Variants in LCLAT1 observed in about 807,000 individuals in gnomAD.
LCLAT1 encodes 1-AGP acyltransferase 8.
A neutral mutation model predicts 30.7 loss-of-function variants in LCLAT1; 11 were observed. The ratio of observed to expected loss-of-function variants is 0.36; its 90% confidence interval spans 0.23 to 0.59. The LOEUF is 0.59. Ranked by LOEUF, LCLAT1 falls within the 20% of genes least tolerant of loss-of-function variation. LCLAT1 has a pLI of 0.77. For synonymous variants in LCLAT1, 155 were observed against 151.3 expected, an observed-to-expected ratio of 1.02 and a Z score of -0.18; for missense variants, 402 against 458.6, an observed-to-expected ratio of 0.88 and a Z score of 1.13.
chr2:30,468,798 C>T (rs1682614431), intron 1 of LCLAT1, among the ~76,000 whole-genome samples: 1 of 152,116 alleles, frequency 6.6e-6, no homozygotes, highest in African/African-American at 2.4e-5. Context: ...CCTTTTGTGT[C>T]TTCTTCACTT....
rs1475399138 is a variant in LCLAT1 at position 30,641,881 on chromosome 2, T to C, written c.*1262T>C. On this transcript the variant is annotated 3_prime_UTR_variant, in exon 6 of 6. Transcript: ENST00000379509. ...GTTGTCATTTTCACTCTGTTGGAGCTGCACACTTTTTTTTCTTTTTTTTTT... is the reference window on the plus strand; with the variant it reads ...GTTGTCATTTTCACTCTGTTGGAGCCGCACACTTTTTTTTCTTTTTTTTTT... 1 of 146,876 alleles carries C rather than the reference T, an allele frequency of 6.8e-6. No homozygotes were observed. The allele number at this position is 146,876 out of a possible 1,614,324, so 9.1% of individuals were successfully genotyped here.
chr2:30,480,886 G>T (rs547493430), intron 1 of LCLAT1, among the ~76,000 whole-genome samples: 3 of 152,158 alleles, frequency 2.0e-5, no homozygotes, highest in African/African-American at 7.2e-5. Flanking sequence ...ATGACAGGTG[G>T]AAAACCAGGA....
intron 5 of LCLAT1, among the ~76,000 whole-genome samples, chr2:30,622,292 G>GA (rs1668297528): frequency 6.6e-6 from 1 of 152,176 alleles, no homozygotes; most frequent in Non-Finnish European, 1.5e-5. Context: ...GCCTAACCCT[G>GA]ACTTCACTTG....
chr2:30,632,906 A>G (rs1326744740), intron 5 of LCLAT1, among the ~76,000 whole-genome samples: 1 of 152,254 alleles, frequency 6.6e-6, no homozygotes, highest in Non-Finnish European at 1.5e-5. Flanking sequence ...AGGAAACAAT[A>G]GTATTTTAAT....
At chr2:30,532,513 T>C (rs979890761) in intron 2 of LCLAT1, among the ~76,000 whole-genome samples, 1 of 152,188 alleles carries the variant, frequency 6.6e-6, no homozygotes, top group Non-Finnish European at 1.5e-5. Flanking sequence ...TCATATGTAT[T>C]ATATACCTGG....
At chr2:30,485,604 T>C (rs913891175) in intron 1 of LCLAT1, among the ~76,000 whole-genome samples, 7 of 152,190 alleles carry the variant, frequency 4.6e-5, no homozygotes, top group African/African-American at 1.7e-4. Context: ...CAAATAAAAT[T>C]TATTTTTATC....
chr2:30,547,664 C>A (rs1664487181), intron 3 of LCLAT1, among the ~76,000 whole-genome samples: 2 of 152,054 alleles, frequency 1.3e-5, no homozygotes, highest in South Asian at 2.1e-4. Flanking sequence ...AGGCTTGGAA[C>A]TTTTGCAGGC....
In LCLAT1 at chr2:30,552,134, G is replaced by A. The variant is rs528501168; in HGVS notation, c.365-10012G>A. 8.5e-5 allele frequency among the ~76,000 whole-genome samples: 13 copies of A among 152,268 alleles called. No homozygotes were observed. The South Asian group carries it at 2.7e-3, about 32-fold the overall frequency. ...GTGTGCAAAGCTAGGAATGTACTTA[G>A]GAATCAGTTTTGCAACAGGAAGAAA... On this transcript the variant is annotated intron_variant, in intron 3 of 5. Transcript: ENST00000379509.
At position 30,629,974 on chromosome 2, in the gene LCLAT1, G is replaced by A. The variant is rs148339075; in HGVS notation, c.629-10143G>A. Among the ~76,000 whole-genome samples, 545 of 151,522 alleles carry A rather than the reference G, an allele frequency of 3.6e-3. 14 individuals carry two copies. The highest frequency in any genetic ancestry group is 0.032 in the Admixed American group (482 of 15,224). On this transcript the variant is annotated intron_variant, in intron 5 of 5. Coordinates refer to ENST00000379509, the MANE Select transcript of LCLAT1 (RefSeq NM_001002257.3). ...TAAGGTACATGTTATGTACGTATTT[G>A]TCTGCTAGAGAGGCCATAACAAGAT...
chr2:30,449,169 T>A (rs1481649805), intron 1 of LCLAT1, among the ~76,000 whole-genome samples: 1 of 152,248 alleles, frequency 6.6e-6, no homozygotes, highest in Non-Finnish European at 1.5e-5. Context: ...GTGTTCTTAC[T>A]GTCTTACTAC....
chr2:30,478,188 T>C (rs1683142404), intron 1 of LCLAT1, among the ~76,000 whole-genome samples: 1 of 152,186 alleles, frequency 6.6e-6, no homozygotes, highest in Admixed American at 6.5e-5. Context: ...TAAATCATTA[T>C]TTGAAGTTAA....
intron 5 of LCLAT1, among the ~76,000 whole-genome samples, chr2:30,592,277 C>G (rs1666731111): frequency 6.6e-6 from 1 of 152,094 alleles, no homozygotes; most frequent in African/African-American, 2.4e-5. Flanking sequence ...ACTTAATATT[C>G]ATAGACCAAA....
At chr2:30,455,161 C>G (rs1024060280) in intron 1 of LCLAT1, among the ~76,000 whole-genome samples, 2 of 152,090 alleles carry the variant, frequency 1.3e-5, no homozygotes, top group African/African-American at 4.8e-5. Context: ...TCTATACTTT[C>G]TTTAACTGTA....
intron 1 of LCLAT1, among the ~76,000 whole-genome samples, chr2:30,477,792 G>A (rs962830105): frequency 2.6e-5 from 4 of 152,126 alleles, no homozygotes; most frequent in Non-Finnish European, 5.9e-5. Flanking sequence ...AGATTGAGCA[G>A]GGCTCCCGAG....
chr2:30,519,550 G>A (rs1282211527), intron 1 of LCLAT1, among the ~76,000 whole-genome samples: 1 of 152,172 alleles, frequency 6.6e-6, no homozygotes. Flanking sequence ...GAATTCCTAA[G>A]CCTAGCTGGG....
At chr2:30,516,722 A>G (rs1685204010) in intron 1 of LCLAT1, among the ~76,000 whole-genome samples, 2 of 152,204 alleles carry the variant, frequency 1.3e-5, no homozygotes, top group African/African-American at 4.8e-5. Context: ...GGTGGCCTGT[A>G]CAGGGATTCT....
chr2:30,473,500 T>C (rs1161810105), intron 1 of LCLAT1, among the ~76,000 whole-genome samples: 1 of 152,172 alleles, frequency 6.6e-6, no homozygotes, highest in African/African-American at 2.4e-5. Flanking sequence ...TTTCATCCCT[T>C]TATTTATTCT....
chr2:30,473,695 A>T (rs991601234), intron 1 of LCLAT1, among the ~76,000 whole-genome samples: 1 of 152,178 alleles, frequency 6.6e-6, no homozygotes. Flanking sequence ...TATTGGATTG[A>T]CCATTTTCCT....
At position 30,511,663 on chromosome 2, in the gene LCLAT1, G is replaced by A. The variant is rs114932808; in HGVS notation, c.-4-13924G>A. On this transcript the variant is annotated intron_variant, in intron 1 of 5. Transcript: ENST00000379509. ...GATGGTCTGAGGTTTTAGCATTCAG[G>A]ATTCAGCATGTATATGGTCACTTAA... Among the ~76,000 whole-genome samples, 356 of 152,342 alleles carry A rather than the reference G, an allele frequency of 2.3e-3. 2 individuals are homozygous for A. Among genetic ancestry groups the A allele is most frequent in the African/African-American group, 8.2e-3 (339 of 41,568 alleles).
Sources: gnomAD v4.1 joint callset for allele counts (sites outside exome capture counted in the v4.1 genomes callset) on GRCh38, gnomAD v4.1.1 for gene constraint, MANE v1.5 for transcripts, NCBI Gene and HGNC (gene_info 2026-07-23, HGNC 2026-07-21) for gene names.